SKOR1: variants seen among roughly 807,000 people sequenced by gnomAD.
SKOR1 encodes LBX1 corepressor 1.
In SKOR1, 38 loss-of-function variants were observed where a neutral mutation model predicts 72.4. That is an observed-to-expected ratio of 0.52 (90% CI 0.40 to 0.69). The LOEUF (loss-of-function observed/expected upper bound fraction) is 0.69, where lower values mean the gene tolerates loss of function less well. SKOR1 is among the 30% of genes least tolerant of loss of function. The pLI is 0.00. For synonymous variants in SKOR1, 642 were observed against 599.4 expected (o/e 1.07, Z -1.04); for missense variants, 1,320 against 1,343.2 (o/e 0.98, Z 0.27).
Position 67,834,076 on chromosome 15 carries a change from A to C in SKOR1, c.*240A>C. 9 of 544,714 alleles carry C rather than the reference A, an allele frequency of 1.7e-5. No homozygotes were observed. The highest frequency in any genetic ancestry group is 3.2e-5 in the East Asian group (1 of 31,072). 33.7% of individuals were successfully genotyped at this position (544,714 alleles called of 1,614,324 possible). ...ACCGCCTCGCGCCTCAAATCCCCCT[A>C]CCCCGTGTGAACTCTAGGGCATCGG... On this transcript the variant is annotated 3_prime_UTR_variant, in exon 9 of 9. Transcript: ENST00000380035. The surrounding 1 kb of genome is among the most constrained non-coding windows in gnomAD (Gnocchi z 5.8).
Position 67,825,743 on chromosome 15 carries a change from G to T in SKOR1, c.107+34G>T, listed in dbSNP as rs749423776. 1.0e-6 allele frequency: 1 copy of T among 967,858 alleles called. No homozygotes were observed. Among genetic ancestry groups the T allele is most frequent in the East Asian group, 2.6e-5 (1 of 38,328 alleles). 60.0% of individuals were successfully genotyped at this position (967,858 alleles called of 1,614,324 possible). On this transcript the variant is annotated intron_variant, in intron 1 of 8. Coordinates refer to ENST00000380035, the MANE Select transcript of SKOR1 (RefSeq NM_001365915.1). The surrounding 1 kb of genome is among the most constrained non-coding windows in gnomAD (Gnocchi z 5.6). ...TACCCCTTCTCCTCCCCCAAGCCCC[G>T]GGGGCTGTTGTTAACGGCGCCAACA...
intron 4 of SKOR1, 71 bp from the exon 5 acceptor site, chr15:67,830,746 TG>T: frequency 6.9e-7 from 1 of 1,455,232 alleles, no homozygotes; most frequent in Non-Finnish European, 9.7e-7. Context: ...ATGTGGTTCC[TG>T]GGAAGCTCAC....
Position 67,825,969 on chromosome 15 carries a change from G to A in SKOR1, c.141G>A (p.Leu47=). The change falls in exon 2 of 9, where the codon CTG becomes CTA. Residue 47 remains leucine, a synonymous_variant. Coordinates refer to ENST00000380035, the MANE Select transcript of SKOR1 (RefSeq NM_001365915.1). The surrounding 1 kb of genome is among the most constrained non-coding windows in gnomAD (Gnocchi z 5.6). Reference sequence around the variant, plus strand: ...GCATGGAGGCTCTCACCACTCAGCTGGGGCCGGGGCGCGAGGGCAGTTCCT... The same window carrying A: ...GCATGGAGGCTCTCACCACTCAGCTAGGGCCGGGGCGCGAGGGCAGTTCCT... The part of the protein sequence containing the change: ...SGGMEALTTQ[L]GPGREGSSSP... 6.6e-7 allele frequency: 1 copy of A among 1,525,932 alleles called. No homozygotes were observed. The highest frequency in any genetic ancestry group is 8.8e-7 in the Non-Finnish European group (1 of 1,137,558). The allele number at this position is 1,525,932 out of a possible 1,614,324, so 94.5% of individuals were successfully genotyped here.
chr15:67,832,804 T>A lies in SKOR1; in HGVS notation c.2737+123T>A, dbSNP rs1457445920. On this transcript the variant is annotated intron_variant, in intron 7 of 8. Coordinates refer to ENST00000380035, the MANE Select transcript of SKOR1 (RefSeq NM_001365915.1). The surrounding 1 kb of genome is among the most constrained non-coding windows in gnomAD (Gnocchi z 4.5). ...GGTAATTTAACAATTATTTTTTTAT[T>A]TAATATGCTTTGTATACTCTGATTA... is the stretch of plus-strand genomic sequence containing the variant. The A allele has an allele frequency of 6.2e-6, 5 of 811,486 alleles. No individual in the cohort carries two copies. Among genetic ancestry groups the A allele is most frequent in the Non-Finnish European group, 9.9e-6 (5 of 503,838 alleles). 50.3% of individuals were successfully genotyped at this position (811,486 alleles called of 1,614,324 possible). A position where few individuals can be genotyped will look rare whatever the true frequency, so the allele number is the denominator to read the frequency against.
chr15:67,832,651 G>C lies in SKOR1; in HGVS notation c.2707G>C (p.Glu903Gln). ...GAAGAGGGAATTGGCTTATCGAGAA[G>C]AAATGGTGCAACAGCTGCAAATTGT... ...QMKRELAYRE[E>Q]MVQQLQIVRD... is the part of the protein sequence containing the mutation. Residue 903 changes from glutamate (E) to glutamine (Q), a missense_variant, in exon 7 of 9, where the codon GAA (glutamate) becomes CAA (glutamine). Coordinates refer to ENST00000380035, the MANE Select transcript of SKOR1 (RefSeq NM_001365915.1). The surrounding 1 kb of genome is among the most constrained non-coding windows in gnomAD (Gnocchi z 4.5). The C allele has an allele frequency of 6.2e-7, 1 of 1,614,134 alleles. No individual in the cohort carries two copies. Among genetic ancestry groups the C allele is most frequent in the Non-Finnish European group, 8.5e-7 (1 of 1,180,016 alleles).
Position 67,833,066 on chromosome 15 carries a change from C to T in SKOR1, c.2738-126C>T. The T allele has an allele frequency of 2.1e-6, 2 of 935,572 alleles. No homozygotes were observed. The highest frequency in any genetic ancestry group is 2.4e-4 in the Middle Eastern group (1 of 4,186). 58.0% of individuals were successfully genotyped at this position (935,572 alleles called of 1,614,324 possible). A position where few individuals can be genotyped will look rare whatever the true frequency, so the allele number is the denominator to read the frequency against. ...GCAGTTAGGAGCTCCGGTACCCCCT[C>T]CCCCATCCCTGGAGTTGTTTCTGCG... On this transcript the variant is annotated intron_variant, in intron 7 of 8. Transcript: ENST00000380035. This position sits in a 1 kb window ranked among gnomAD's most constrained non-coding sequence, Gnocchi z 6.0.
In SKOR1 at chr15:67,826,522, G is replaced by A. The variant is rs1462670987; in HGVS notation, c.694G>A (p.Ala232Thr). The A allele has an allele frequency of 6.2e-7, 1 of 1,613,794 alleles. No homozygotes were observed. The change falls in exon 2 of 9, where the codon GCC becomes ACC. Residue 232 changes from alanine (A) to threonine (T), a missense_variant. Ala to Thr is a moderately conservative substitution (Grantham distance 58). Around this residue, in one of 3 missense-constraint regions of SKOR1, gnomAD observed 101 missense variants for 212.8 expected, o/e 0.47. Coordinates refer to ENST00000380035, the MANE Select transcript of SKOR1 (RefSeq NM_001365915.1). ...FIFHSHRTPD[A>T]KYTQPDAANF... ...CTTCCACTCGCACCGAACACCCGAC[G>A]CCAAGTACACGCAGCCCGATGCCGC...
chr15:67,827,940 C>A lies in SKOR1; in HGVS notation c.2112C>A (p.Gly704=), dbSNP rs927453006. 7 of 1,575,320 alleles carry A rather than the reference C, an allele frequency of 4.4e-6. No homozygotes were observed. Among genetic ancestry groups the A allele is most frequent in the Non-Finnish European group, 6.0e-6 (7 of 1,162,072 alleles). The change falls in exon 2 of 9, where the codon GGC becomes GGA. Residue 704 remains glycine (G), a synonymous_variant. Transcript: ENST00000380035. ...GACCCCCTTCCGCCACCTCCTCTGGCGCGGACGGTCCCGCAAACTCTCCCG... is the reference window on the plus strand; with the variant it reads ...GACCCCCTTCCGCCACCTCCTCTGGAGCGGACGGTCCCGCAAACTCTCCCG... ...PTGPPSATSS[G]ADGPANSPDG...
chr15:67,825,639 C>A lies in SKOR1; in HGVS notation c.37C>A (p.Arg13Ser), dbSNP rs2090952107. ...GTGTGGCCTTGGGCAAGTCACTCTG[C>A]GTATCTGGGTTTCACTTCCTTCCCA... ...LLCGLGQVTL[R>S]IWVSLPSQSE... The change falls in exon 1 of 9, where the codon CGT becomes AGT. Residue 13 changes from arginine (R) to serine (S), a missense_variant. Physicochemically the swap from Arg to Ser is moderately radical, Grantham distance 110. This residue lies in a region of SKOR1 where 120 missense variants were observed against 104.9 expected (regional missense o/e 1.14). Coordinates refer to ENST00000380035, the MANE Select transcript of SKOR1 (RefSeq NM_001365915.1). The surrounding 1 kb of genome is among the most constrained non-coding windows in gnomAD (Gnocchi z 5.6). 1 of 719,902 alleles carries A rather than the reference C, an allele frequency of 1.4e-6. No individual in the cohort carries two copies. The allele number at this position is 719,902 out of a possible 1,614,324, so 44.6% of individuals were successfully genotyped here.
At position 67,825,952 on chromosome 15, in the gene SKOR1, G is replaced by A; in HGVS notation, c.124G>A (p.Ala42Thr). The A allele has an allele frequency of 6.6e-7, 1 of 1,518,676 alleles. No individual in the cohort carries two copies. Among genetic ancestry groups the A allele is most frequent in the Non-Finnish European group, 8.8e-7 (1 of 1,135,740 alleles). The allele number at this position is 1,518,676 out of a possible 1,614,324, so 94.1% of individuals were successfully genotyped here. The stretch of plus-strand genomic sequence containing the variant: ...ATTTCGCAGGAGCGGCGGCATGGAG[G>A]CTCTCACCACTCAGCTGGGGCCGGG... ...RAFLRSGGME[A>T]LTTQLGPGRE... The change falls in exon 2 of 9, where the codon GCT (alanine) becomes ACT (threonine). Residue 42 changes from alanine (A) to threonine (T), a missense_variant. Ala to Thr is a moderately conservative substitution (Grantham distance 58). This residue lies in a region of SKOR1 where 120 missense variants were observed against 104.9 expected (regional missense o/e 1.14). Coordinates refer to ENST00000380035, the MANE Select transcript of SKOR1 (RefSeq NM_001365915.1). This position sits in a 1 kb window ranked among gnomAD's most constrained non-coding sequence, Gnocchi z 5.6.
In SKOR1 at chr15:67,830,254, A is replaced by T; in HGVS notation, c.2471A>T (p.Asp824Val). The T allele has an allele frequency of 6.2e-7, 1 of 1,614,174 alleles. No homozygotes were observed. Among genetic ancestry groups the T allele is most frequent in the Non-Finnish European group, 8.5e-7 (1 of 1,180,020 alleles). The change falls in exon 4 of 9, where the codon GAC (aspartate) becomes GTC (valine). Residue 824 changes from aspartate to valine, a missense_variant. Asp to Val is a radical substitution (Grantham distance 152, BLOSUM62 -3). Coordinates refer to ENST00000380035, the MANE Select transcript of SKOR1 (RefSeq NM_001365915.1). ...DDLETRKSYP[D>V]QRSISQPSPA... ...TTGGAAACGAGGAAATCCTATCCAG[A>T]CCAAAGGAGTATCTCCCAGCCAAGT...
chr15:67,832,610 A>G lies in SKOR1; in HGVS notation c.2666A>G (p.Asn889Ser). 1 of 1,613,916 alleles carries G rather than the reference A, an allele frequency of 6.2e-7. No individual in the cohort carries two copies. Among genetic ancestry groups the G allele is most frequent in the Non-Finnish European group, 8.5e-7 (1 of 1,179,930 alleles). The change falls in exon 7 of 9, where the codon AAT becomes AGT. Residue 889 changes from asparagine to serine, a missense_variant. Physicochemically the swap from Asn to Ser is conservative, Grantham distance 46 (BLOSUM62 1). Around this residue, in one of 3 missense-constraint regions of SKOR1, gnomAD observed 1,099 missense variants for 1,025.5 expected, o/e 1.07. Transcript: ENST00000380035. This position sits in a 1 kb window ranked among gnomAD's most constrained non-coding sequence, Gnocchi z 4.5. ...LEREFQSLKD[N>S]FQDQMKRELA... ...CTCACTTAATCAATTTGCACAGATA[A>G]TTTTCAGGATCAAATGAAGAGGGAA...
chr15:67,826,544 C>G lies in SKOR1; in HGVS notation c.716C>G (p.Ala239Gly). ...GACGCCAAGTACACGCAGCCCGATG[C>G]CGCCAACTTCAACTCCTGGCGTCGT... The part of the protein sequence containing the change: ...TPDAKYTQPD[A>G]ANFNSWRRHL... The change falls in exon 2 of 9, where the codon GCC (alanine) becomes GGC (glycine). Residue 239 changes from alanine (A) to glycine (G), a missense_variant. Physicochemically the swap from Ala to Gly is moderately conservative, Grantham distance 60. Transcript: ENST00000380035. The G allele has an allele frequency of 6.2e-7, 1 of 1,613,944 alleles. No individual in the cohort carries two copies. Among genetic ancestry groups the G allele is most frequent in the Non-Finnish European group, 8.5e-7 (1 of 1,179,870 alleles).
rs912381004 is a variant in SKOR1 at position 67,834,007 on chromosome 15, G to A, written c.*171G>A. On this transcript the variant is annotated 3_prime_UTR_variant, in exon 9 of 9. Transcript: ENST00000380035. The surrounding 1 kb of genome is among the most constrained non-coding windows in gnomAD (Gnocchi z 5.8). ...TCCCCGGCCTTGCCCGCCCCCTCCC[G>A]GGCGTCCCTGTCCAGGGCCCCGGCT... 59 of 713,684 alleles carry A rather than the reference G, an allele frequency of 8.3e-5. No homozygotes were observed. The African/African-American group carries it at 9.6e-4, about 12-fold the overall frequency. The allele number at this position is 713,684 out of a possible 1,614,324, so 44.2% of individuals were successfully genotyped here. A position where few individuals can be genotyped will look rare whatever the true frequency, so the allele number is the denominator to read the frequency against.
chr15:67,830,941 C>A, intron 5 of SKOR1, 52 bp downstream of exon 5: 1 of 1,565,440 alleles, frequency 6.4e-7, no homozygotes, highest in South Asian at 1.1e-5. Flanking sequence ...AGTGATGGGT[C>A]ATTCCTGTAG....
At position 67,826,666 on chromosome 15, in the gene SKOR1, T is replaced by C; in HGVS notation, c.838T>C (p.Phe280Leu). The C allele has an allele frequency of 6.2e-7, 1 of 1,600,676 alleles. No homozygotes were observed. Among genetic ancestry groups the C allele is most frequent in the Non-Finnish European group, 8.5e-7 (1 of 1,173,836 alleles). Reference sequence around the variant, plus strand: ...TAATGGCGGCACGCGCAAGCGGACCTTCTCCCTACAAGGAGGCGGCGGAGG... The same window carrying C: ...TAATGGCGGCACGCGCAAGCGGACCCTCTCCCTACAAGGAGGCGGCGGAGG... ...MFNGGTRKRT[F>L]SLQGGGGGGA... The change falls in exon 2 of 9, where the codon TTC becomes CTC. Residue 280 changes from phenylalanine to leucine, a missense_variant. By Grantham distance (22) the Phe-to-Leu change is conservative (BLOSUM62 0). This residue lies in a region of SKOR1 where 1,099 missense variants were observed against 1,025.5 expected (regional missense o/e 1.07). Transcript: ENST00000380035.
chr15:67,833,747 C>T lies in SKOR1; in HGVS notation c.2809C>T (p.His937Tyr), dbSNP rs2091026564. ...CCTCGCGACTGTCTCCCCAGAAGCC[C>T]ACGACGCCCTGCACCATTTCTCCTG... ...YAIQQKLKEAHDALHHFSCKM... is the reference protein window; with the variant it reads ...YAIQQKLKEAYDALHHFSCKM... The change falls in exon 9 of 9, where the codon CAC (histidine) becomes TAC (tyrosine). Residue 937 changes from histidine (H) to tyrosine (Y), a missense_variant. Transcript: ENST00000380035. This position sits in a 1 kb window ranked among gnomAD's most constrained non-coding sequence, Gnocchi z 6.0. 6.2e-7 allele frequency: 1 copy of T among 1,613,604 alleles called. No homozygotes were observed. The highest frequency in any genetic ancestry group is 1.3e-5 in the African/African-American group (1 of 74,924).
In SKOR1 at chr15:67,826,252, G is replaced by A. The variant is rs750602976; in HGVS notation, c.424G>A (p.Gly142Arg). 1.9e-6 allele frequency: 3 copies of A among 1,612,830 alleles called. No individual in the cohort carries two copies. Among genetic ancestry groups the A allele is most frequent in the African/African-American group, 2.7e-5 (2 of 74,950 alleles). The stretch of plus-strand genomic sequence containing the variant: ...ACAGCTGGAGATTCTGCGTCGGGCC[G>A]GGGCCATGCCCATCTCGTCGCGCCG... Reference protein sequence around the residue: ...PVQLEILRRAGAMPISSRRCG... With the variant: ...PVQLEILRRARAMPISSRRCG... Residue 142 changes from glycine to arginine, a missense_variant, in exon 2 of 9, where the codon GGG (glycine) becomes AGG (arginine). By Grantham distance (125) the Gly-to-Arg change is moderately radical. Around this residue, in one of 3 missense-constraint regions of SKOR1, gnomAD observed 101 missense variants for 212.8 expected, o/e 0.47. Transcript: ENST00000380035.
chr15:67,829,112 G>C (rs1472515364), intron 2 of SKOR1, 67 bp from the exon 3 acceptor site: 1 of 1,402,906 alleles, frequency 7.1e-7, no homozygotes, highest in Non-Finnish European at 9.5e-7. Flanking sequence ...CCGCGGGGTA[G>C]GGCTGGGCGT....
Sources: gnomAD v4.1 joint callset for allele counts on GRCh38, gnomAD v4.1.1 for gene constraint, gnomAD v4.1.1 regional missense constraint, Gnocchi (gnomAD v3.1) non-coding constraint, MANE v1.5 for transcripts, NCBI Gene and HGNC (gene_info 2026-07-23, HGNC 2026-07-21) for gene names.